EARS2: variants seen among roughly 807,000 people sequenced by gnomAD.
EARS2 encodes nondiscriminating glutamyl-tRNA synthetase EARS2, mitochondrial.
EARS2 carries 50 observed loss-of-function variants against 54.1 expected under a neutral mutation model. The observed-to-expected ratio is 0.92, with a 90% CI of 0.74 to 1.17. The LOEUF is 1.17. EARS2 is among the 50% of genes most tolerant of loss of function. The pLI is 0.00. For synonymous variants in EARS2, 298 were observed against 281.0 expected (o/e 1.06, Z -0.61); for missense variants, 673 against 675.0 (o/e 1.00, Z 0.03).
intron 5 of EARS2, among the ~76,000 whole-genome samples, chr16:23,532,066 G>C (rs1473236865): frequency 2.0e-5 from 3 of 152,164 alleles, no homozygotes; most frequent in Admixed American, 1.3e-4. Context: ...GCCAACCTTG[G>C]CCTCTCAAAG....
rs558856068 is a variant in EARS2, at chr16:23,551,647, C to T, written c.295+502G>A. Among the ~76,000 whole-genome samples, 98 of 152,076 alleles carry T rather than the reference C, an allele frequency of 6.4e-4. No individual in the cohort carries two copies. In the East Asian group the frequency reaches 0.013, roughly 20 times the overall value. On this transcript the variant is annotated intron_variant, in intron 2 of 8. Transcript: ENST00000449606. ...AAAAATAAAGAAACCAAGTTGGGCGCGGTGGCTCATGCCTATAATCCCAGC... is the reference window on the plus strand; with the variant it reads ...AAAAATAAAGAAACCAAGTTGGGCGTGGTGGCTCATGCCTATAATCCCAGC...
Position 23,557,314 on chromosome 16 carries a change from C to G in EARS2, c.30G>C (p.Gln10His). The change falls in exon 1 of 9, where the codon CAG becomes CAC. Residue 10 changes from glutamine (Q) to histidine (H), a missense_variant. Coordinates refer to ENST00000449606, the MANE Select transcript of EARS2 (RefSeq NM_001083614.2). MAALLRRLL[Q>H]RERPSAASGR... ...CAGAGGCCGCCGAAGGCCTCTCGCG[C>G]TGCAGCAGTCTCCTCAGGAGCGCCG... 5.2e-6 allele frequency: 8 copies of G among 1,530,424 alleles called. No individual in the cohort carries two copies. Among genetic ancestry groups the G allele is most frequent in the Non-Finnish European group, 7.0e-6 (8 of 1,147,966 alleles). 94.8% of individuals were successfully genotyped at this position (1,530,424 alleles called of 1,614,324 possible). A position where few individuals can be genotyped will look rare whatever the true frequency, so the allele number is the denominator to read the frequency against.
intron 1 of EARS2, among the ~76,000 whole-genome samples, chr16:23,556,497 G>A (rs1032656307): frequency 6.6e-6 from 1 of 152,200 alleles, no homozygotes; most frequent in African/African-American, 2.4e-5. Flanking sequence ...TGGGATTACA[G>A]GCATGCGCCA....
rs397514594 is a variant in EARS2, at chr16:23,535,346, C to T, written c.500G>A (p.Cys167Tyr). 4.3e-5 allele frequency: 69 copies of T among 1,598,866 alleles called. No individual in the cohort carries two copies. The highest frequency in any genetic ancestry group is 5.8e-5 in the Non-Finnish European group (68 of 1,179,752). ...CACCTGCTCCTGGCTCATGTTCCTG[C>T]ACCGATTGTCATACCTGATGGGGAG... is the stretch of plus-strand genomic sequence containing the variant. The part of the protein sequence containing the change: ...NHQTPRYDNR[C>Y]RNMSQEQVAQ... The change falls in exon 4 of 9, where the codon TGC becomes TAC. Residue 167 changes from cysteine to tyrosine, a missense_variant. This residue lies in a region of EARS2 where 316 missense variants were observed against 275.2 expected (regional missense o/e 1.15). Coordinates refer to ENST00000449606, the MANE Select transcript of EARS2 (RefSeq NM_001083614.2).
Position 23,552,285 on chromosome 16 carries a change from G to C in EARS2, c.159C>G (p.Gly53=). 6.2e-7 allele frequency: 1 copy of C among 1,614,178 alleles called. No homozygotes were observed. ...TGTAGTTGTACAAGGCAGTGCGGAGGCCACCCAGGTGCAAGAAGCCTGGAG... is the reference window on the plus strand; with the variant it reads ...TGTAGTTGTACAAGGCAGTGCGGAGCCCACCCAGGTGCAAGAAGCCTGGAG... ...PSPTGFLHLG[G]LRTALYNYIF... The change falls in exon 2 of 9, where the codon GGC becomes GGG. Residue 53 remains glycine (G), a synonymous_variant. Coordinates refer to ENST00000449606, the MANE Select transcript of EARS2 (RefSeq NM_001083614.2).
Position 23,535,021 on chromosome 16 carries a change from G to A in EARS2, c.825C>T (p.Pro275=), listed in dbSNP as rs2142171468. The A allele has an allele frequency of 3.7e-6, 6 of 1,612,198 alleles. No individual in the cohort carries two copies. The highest frequency in any genetic ancestry group is 5.1e-6 in the Non-Finnish European group (6 of 1,179,384). ...TGCTGCCATCCCTGTTGAGGAGCAG[G>A]GGCAGGTGGGCGAAGTGGGGTGGCT... ...GWQPPHFAHL[P]LLLNRDGSKL... The change falls in exon 4 of 9, where the codon CCC becomes CCT. Residue 275 remains proline, a synonymous_variant. Transcript: ENST00000449606.
chr16:23,534,663 C>T (rs939868175), intron 4 of EARS2, among the ~76,000 whole-genome samples: 1 of 152,156 alleles, frequency 6.6e-6, no homozygotes, highest in Non-Finnish European at 1.5e-5. Flanking sequence ...GACTATAAGT[C>T]CCTTGAGGGC....
At chr16:23,547,941 A>G (rs985407732) in intron 2 of EARS2, among the ~76,000 whole-genome samples, 3 of 151,998 alleles carry the variant, frequency 2.0e-5, no homozygotes, top group Non-Finnish European at 4.4e-5. Context: ...TAAAAAAATA[A>G]TAATAATAGC....
At position 23,523,242 on chromosome 16, in the gene EARS2, A is replaced by G. The variant is rs1053856571; in HGVS notation, c.*1129T>C. On this transcript the variant is annotated 3_prime_UTR_variant, in exon 9 of 9. Coordinates refer to ENST00000449606, the MANE Select transcript of EARS2 (RefSeq NM_001083614.2). Reference sequence around the variant, plus strand: ...GTAGGGGTTCATGTACCCTGCCACCATCCTCCTTTCACTTGCTATTCCTCT... The same window carrying G: ...GTAGGGGTTCATGTACCCTGCCACCGTCCTCCTTTCACTTGCTATTCCTCT... The G allele has an allele frequency of 3.9e-5, 6 of 152,198 alleles. No individual in the cohort carries two copies. Among genetic ancestry groups the G allele is most frequent in the African/African-American group, 1.4e-4 (6 of 41,418 alleles). The allele number at this position is 152,198 out of a possible 1,614,324, so 9.4% of individuals were successfully genotyped here. A position where few individuals can be genotyped will look rare whatever the true frequency, so the allele number is the denominator to read the frequency against.
In EARS2 at chr16:23,532,778, G is replaced by C. The variant is rs1241085255; in HGVS notation, c.959-13C>G. 1 of 1,595,994 alleles carries C rather than the reference G, an allele frequency of 6.3e-7. No homozygotes were observed. The highest frequency in any genetic ancestry group is 2.2e-5 in the East Asian group (1 of 44,676). ...CCCATTTGGTTCTCTGCAAAGAAGA[G>C]AGGCCCAGCCACTCAGCTTCCTCTC... is the stretch of plus-strand genomic sequence containing the variant. On this transcript the variant is annotated splice_polypyrimidine_tract_variant and intron_variant, in intron 4 of 8. Coordinates refer to ENST00000449606, the MANE Select transcript of EARS2 (RefSeq NM_001083614.2).
Position 23,534,964 on chromosome 16 carries a change from C to T in EARS2, c.882G>A (p.Leu294=), listed in dbSNP as rs371937329. 1.9e-6 allele frequency: 3 copies of T among 1,611,256 alleles called. No individual in the cohort carries two copies. Among genetic ancestry groups the T allele is most frequent in the Non-Finnish European group, 8.5e-7 (1 of 1,178,232 alleles). ...KLSKRQGDVF[L]EHFAADGFLP... ...GGAAGCCATCAGCAGCAAAGTGCTC[C>T]AGGAAAACGTCCCCTTGCCTCTTGG... is the stretch of plus-strand genomic sequence containing the variant. The change falls in exon 4 of 9, where the codon CTG becomes CTA. Residue 294 remains leucine (L), a synonymous_variant. Transcript: ENST00000449606.
chr16:23,540,938 C>T (rs1965501581), intron 3 of EARS2, among the ~76,000 whole-genome samples: 1 of 152,116 alleles, frequency 6.6e-6, no homozygotes, highest in Non-Finnish European at 1.5e-5. Flanking sequence ...TTGCAGTGAG[C>T]CAAGATCACA....
At chr16:23,546,304 GA>G in intron 2 of EARS2, 1 of 432,474 alleles carries the variant, frequency 2.3e-6, no homozygotes, top group South Asian at 1.6e-5. Flanking sequence ...AAGGAATTGG[GA>G]AGATAAGGAC....
rs1177038763 is a variant in EARS2, at chr16:23,529,962, C to T, written c.1068-65G>A. On this transcript the variant is annotated intron_variant, in intron 5 of 8. Transcript: ENST00000449606. ...CCAACCCACCCAAACCGTCTCTCCC[C>T]CAGGGAAAGGGTGAAGTTGGAAGAA... The T allele has an allele frequency of 1.9e-6, 3 of 1,581,500 alleles. No homozygotes were observed. The East Asian group carries it at 6.7e-5, about 36-fold the overall frequency.
intron 7 of EARS2, among the ~76,000 whole-genome samples, chr16:23,527,076 C>A (rs1965241201): frequency 6.6e-6 from 1 of 152,156 alleles, no homozygotes; most frequent in African/African-American, 2.4e-5. Flanking sequence ...GATCCTCCCA[C>A]CTCAGCTGCC....
chr16:23,548,865 T>C (rs1965648706), intron 2 of EARS2, among the ~76,000 whole-genome samples: 1 of 152,170 alleles, frequency 6.6e-6, no homozygotes, highest in African/African-American at 2.4e-5. Flanking sequence ...AGACCACTCA[T>C]GGACCAATCG....
chr16:23,537,950 T>C (rs1044871941), intron 3 of EARS2, among the ~76,000 whole-genome samples: 2 of 151,686 alleles, frequency 1.3e-5, no homozygotes, highest in African/African-American at 2.4e-5. Flanking sequence ...TGCACCACCA[T>C]GCCTGGCTAA....
chr16:23,526,850 G>A (rs796949156), intron 7 of EARS2, among the ~76,000 whole-genome samples: 26 of 152,186 alleles, frequency 1.7e-4, no homozygotes, highest in African/African-American at 6.3e-4. Context: ...AGTTAGAGGT[G>A]GACTTAACAA....
chr16:23,523,767 G>T lies in EARS2; in HGVS notation c.*604C>A, dbSNP rs1272759963. 2.0e-5 allele frequency: 3 copies of T among 152,328 alleles called. No individual in the cohort carries two copies. Among genetic ancestry groups the T allele is most frequent in the Admixed American group, 1.3e-4 (2 of 15,282 alleles). 9.4% of individuals were successfully genotyped at this position (152,328 alleles called of 1,614,324 possible). A position where few individuals can be genotyped will look rare whatever the true frequency, so the allele number is the denominator to read the frequency against. On this transcript the variant is annotated 3_prime_UTR_variant, in exon 9 of 9. Transcript: ENST00000449606. Reference sequence around the variant, plus strand: ...TTAAAGAGGTGATTAACTTAAATGAGGCTGGTTAAAGTTAAAATCCAGTCC... The same window carrying T: ...TTAAAGAGGTGATTAACTTAAATGATGCTGGTTAAAGTTAAAATCCAGTCC...
Sources: gnomAD v4.1 joint callset for allele counts (sites outside exome capture counted in the v4.1 genomes callset) on GRCh38, gnomAD v4.1.1 for gene constraint, gnomAD v4.1.1 regional missense constraint, MANE v1.5 for transcripts, NCBI Gene and HGNC (gene_info 2026-07-23, HGNC 2026-07-21) for gene names.